SFXN5: variants seen among roughly 807,000 people sequenced by gnomAD.
SFXN5 encodes sideroflexin 5, also known as sideroflexin-5.
In SFXN5, 43 loss-of-function variants were observed where a neutral mutation model predicts 50.2. The ratio of observed to expected loss-of-function variants is 0.86; its 90% CI spans 0.67 to 1.11. The LOEUF is 1.11. Among genes scored for constraint, SFXN5 ranks in the 50% least tolerant of loss-of-function variants. The pLI is 0.00. For synonymous variants in SFXN5, 203 were observed against 185.8 expected, an observed-to-expected ratio of 1.09 and a Z score of -0.75; for missense variants, 463 against 454.1, an observed-to-expected ratio of 1.02 and a Z score of -0.18.
intron 9 of SFXN5, among the ~76,000 whole-genome samples, chr2:72,994,159 G>A (rs1672938426): frequency 6.6e-6 from 1 of 152,118 alleles, no homozygotes; most frequent in Non-Finnish European, 1.5e-5. Context: ...GCCTGGGTAG[G>A]CCCTGTCACT....
chr2:73,043,655 C>T (rs1029805563), intron 2 of SFXN5, among the ~76,000 whole-genome samples: 2 of 152,138 alleles, frequency 1.3e-5, no homozygotes, highest in Admixed American at 1.3e-4. Context: ...AGCCCCTTCC[C>T]GGATACGTTC....
chr2:73,066,409 T>C (rs555326566), intron 1 of SFXN5, among the ~76,000 whole-genome samples: 1 of 151,800 alleles, frequency 6.6e-6, no homozygotes, highest in Non-Finnish European at 1.5e-5. Context: ...AATACAAAAA[T>C]TAGCAAGGCA....
chr2:73,013,094 A>T (rs1421655178), intron 6 of SFXN5, among the ~76,000 whole-genome samples: 1 of 152,152 alleles, frequency 6.6e-6, no homozygotes, highest in Non-Finnish European at 1.5e-5. Flanking sequence ...AAGAAAACCC[A>T]TTTGACAGCT....
At chr2:72,948,740 A>G (rs1335767492) in intron 13 of SFXN5, among the ~76,000 whole-genome samples, 2 of 152,182 alleles carry the variant, frequency 1.3e-5, no homozygotes, top group African/African-American at 4.8e-5. Flanking sequence ...AGATGCAGGC[A>G]GTGGGAAGGC....
In SFXN5 at chr2:73,071,655, G is replaced by A; in HGVS notation, c.51C>T (p.Ser17=). The A allele has an allele frequency of 1.2e-6, 2 of 1,613,358 alleles. No homozygotes were observed. The highest frequency in any genetic ancestry group is 2.2e-5 in the East Asian group (1 of 44,864). The part of the protein sequence containing the change: ...TASAAAASAA[S]ASSDAPPFQL... ...GGAAAGGAGGTGCATCGCTCGAGGC[G>A]CTAGCGGCACTAGCCGCCGCCGCCG... The change falls in exon 1 of 14, where the codon AGC becomes AGT. Residue 17 remains serine, a synonymous_variant. Coordinates refer to ENST00000272433, the MANE Select transcript of SFXN5 (RefSeq NM_144579.3).
intron 6 of SFXN5, among the ~76,000 whole-genome samples, chr2:73,006,964 T>C (rs894311276): frequency 2.0e-5 from 3 of 152,170 alleles, no homozygotes; most frequent in Non-Finnish European, 4.4e-5. Context: ...ATGGCACCCA[T>C]ATGGTAACTT....
At chr2:73,064,203 C>T (rs997823496) in intron 1 of SFXN5, among the ~76,000 whole-genome samples, 3 of 152,248 alleles carry the variant, frequency 2.0e-5, no homozygotes, top group African/African-American at 7.2e-5. Flanking sequence ...CAACTACACA[C>T]ACCAGACCTC....
intron 9 of SFXN5, chr2:72,998,748 A>G (rs1673552003): frequency 3.3e-6 from 2 of 599,256 alleles, no homozygotes; most frequent in Middle Eastern, 4.4e-4. Context: ...CCTGCTCTCC[A>G]TTACAGGGAG....
chr2:72,972,059 G>T (rs1337466305), intron 10 of SFXN5, among the ~76,000 whole-genome samples: 1 of 152,172 alleles, frequency 6.6e-6, no homozygotes, highest in African/African-American at 2.4e-5. Flanking sequence ...TGACCCCGAG[G>T]CCTGATGTTC....
intron 2 of SFXN5, among the ~76,000 whole-genome samples, chr2:73,046,627 T>C (rs1330713202): frequency 6.6e-6 from 1 of 151,900 alleles, no homozygotes; most frequent in African/African-American, 2.4e-5. Flanking sequence ...CAGTGAACCA[T>C]GATCACTGCC....
Position 72,945,088 on chromosome 2 carries a change from G to C in SFXN5, c.957C>G (p.Ser319=), listed in dbSNP as rs79275662. The part of the protein sequence containing the change: ...LFPQMSEIET[S]QLEPEIAQAT... ...CCTGGGCTATCTCCGGCTCTAATTGGGATGTTTCAATCTGTGGAGAGAGAA... is the reference window on the plus strand; with the variant it reads ...CCTGGGCTATCTCCGGCTCTAATTGCGATGTTTCAATCTGTGGAGAGAGAA... The change falls in exon 14 of 14, where the codon TCC becomes TCG. Residue 319 remains serine (S), a synonymous_variant. Coordinates refer to ENST00000272433, the MANE Select transcript of SFXN5 (RefSeq NM_144579.3). The surrounding 1 kb of genome is among the most constrained non-coding windows in gnomAD (Gnocchi z 5.8). 12,541 of 1,613,768 alleles carry C rather than the reference G, an allele frequency of 7.8e-3. 699 individuals carry two copies. In the African/African-American group the frequency reaches 0.14, roughly 18 times the overall value.
intron 9 of SFXN5, chr2:72,996,513 T>TG (rs1350815206): frequency 6.1e-4 from 93 of 151,684 alleles, no homozygotes; most frequent in African/African-American, 1.5e-3. Context: ...TTTTGTTTTT[T>TG]TTTTTTTTTT....
At chr2:73,055,056 G>A (rs1357609599) in intron 2 of SFXN5, among the ~76,000 whole-genome samples, 2 of 152,242 alleles carry the variant, frequency 1.3e-5, no homozygotes, top group African/African-American at 4.8e-5. Flanking sequence ...AGGGGGGATG[G>A]TTCTAGGCCC....
At chr2:73,001,447 A>T in intron 7 of SFXN5, 78 bp downstream of exon 7, 1 of 1,476,722 alleles carries the variant, frequency 6.8e-7, no homozygotes, top group Admixed American at 1.7e-5. Flanking sequence ...GGGGCAGGAG[A>T]CACCACAGCA....
chr2:72,955,555 G>A (rs1288186423), intron 13 of SFXN5, among the ~76,000 whole-genome samples: 1 of 152,246 alleles, frequency 6.6e-6, no homozygotes, highest in Non-Finnish European at 1.5e-5. Flanking sequence ...GCAGGGATGT[G>A]GGGAGGGGCC....
intron 6 of SFXN5, 173 bp downstream of exon 6, chr2:73,020,064 CAA>C: frequency 1.7e-6 from 1 of 605,242 alleles, no homozygotes. Flanking sequence ...AGAGGTTTGC[CAA>C]TCAGCATCAA....
At chr2:73,070,751 C>T (rs1683526958) in intron 1 of SFXN5, 1 of 152,264 alleles carries the variant, frequency 6.6e-6, no homozygotes, top group Non-Finnish European at 1.5e-5. Context: ...GGGAAAGGAC[C>T]CCTGTCGCCG....
intron 11 of SFXN5, among the ~76,000 whole-genome samples, chr2:72,968,991 T>C (rs1283301060): frequency 6.6e-6 from 1 of 151,870 alleles, no homozygotes; most frequent in Non-Finnish European, 1.5e-5. Flanking sequence ...TTAGTAGGGA[T>C]GGGATGGGGT....
At chr2:73,065,157 G>A (rs1026986625) in intron 1 of SFXN5, among the ~76,000 whole-genome samples, 1 of 151,998 alleles carries the variant, frequency 6.6e-6, no homozygotes, top group Non-Finnish European at 1.5e-5. Context: ...CTGGAGTGCA[G>A]TTGTGTGATC....
Sources: allele counts gnomAD v4.1 joint callset (sites outside exome capture counted in the v4.1 genomes callset), GRCh38; gene constraint gnomAD v4.1.1; non-coding constraint Gnocchi (gnomAD v3.1); transcripts MANE v1.5; gene names NCBI Gene and HGNC (gene_info 2026-07-23, HGNC 2026-07-21).